The following UVRAG variants were observed in gnomAD, a reference collection of about 807,000 sequenced individuals.
UVRAG encodes UV radiation resistance-associated gene protein.
UVRAG carries 19 observed loss-of-function variants against 78.0 expected under a neutral mutation model. That is an observed-to-expected ratio of 0.24 (90% CI 0.17 to 0.36). The LOEUF (loss-of-function observed/expected upper bound fraction) is 0.36, where lower values mean the gene tolerates loss of function less well. Among genes scored for constraint, UVRAG ranks in the 10% least tolerant of loss-of-function variants. The probability of loss-of-function intolerance (pLI) is 1.00; values close to 1 mark genes in which losing one functional copy is unlikely to be tolerated. For synonymous variants in UVRAG, 323 were observed against 324.6 expected (o/e 1.00, Z 0.05); for missense variants, 740 against 853.8 (o/e 0.87, Z 1.66).
At chr11:76,039,162 A>T (rs1407319594) in intron 12 of UVRAG, among the ~76,000 whole-genome samples, 1 of 152,204 alleles carries the variant, frequency 6.6e-6, no homozygotes, top group African/African-American at 2.4e-5. Flanking sequence ...GTCATTGTTA[A>T]ATGGAGAGAT....
Position 75,867,101 on chromosome 11 carries a change from C to T in UVRAG, c.270+5321C>T, listed in dbSNP as rs543837107. ...TCTCCAGTGACAGATATTTGCTTCT[C>T]TAATACCAAATTCATGCCTCATTGC... On this transcript the variant is annotated intron_variant, in intron 3 of 14. Coordinates refer to ENST00000356136, the MANE Select transcript of UVRAG (RefSeq NM_003369.4). Among the ~76,000 whole-genome samples the T allele has an allele frequency of 4.6e-5, 7 of 152,306 alleles. No individual in the cohort carries two copies. The South Asian group carries it at 1.4e-3, about 32-fold the overall frequency.
intron 14 of UVRAG, among the ~76,000 whole-genome samples, chr11:76,138,366 T>G (rs7946059): frequency 0.054 from 8,233 of 152,250 alleles, 364 homozygotes; most frequent in African/African-American, 0.13. Flanking sequence ...TGTGGGCAGC[T>G]CATCTTCCAC....
intron 13 of UVRAG, among the ~76,000 whole-genome samples, chr11:76,070,888 A>G (rs1033412307): frequency 1.6e-4 from 24 of 152,210 alleles, no homozygotes; most frequent in African/African-American, 5.8e-4. Flanking sequence ...GGGGTGATGA[A>G]AAAGTTTTGG....
At chr11:75,963,847 G>A (rs1354153337) in intron 7 of UVRAG, among the ~76,000 whole-genome samples, 1 of 151,946 alleles carries the variant, frequency 6.6e-6, no homozygotes, top group East Asian at 1.9e-4. Context: ...TTTGTTTTGA[G>A]GTGAGATCTC....
intron 13 of UVRAG, among the ~76,000 whole-genome samples, chr11:76,078,912 G>C (rs562792918): frequency 1.3e-5 from 2 of 152,104 alleles, no homozygotes; most frequent in South Asian, 4.2e-4. Context: ...CTGGGCTACA[G>C]AGCAAGACTC....
At chr11:75,956,488 C>T (rs1196817223) in intron 6 of UVRAG, among the ~76,000 whole-genome samples, 6 of 151,134 alleles carry the variant, frequency 4.0e-5, no homozygotes, top group Admixed American at 1.3e-4. Context: ...CGGGTTCAAG[C>T]GATTCCCTTG....
In UVRAG at chr11:75,928,428, G is replaced by A. The variant is rs182412207; in HGVS notation, c.593+16389G>A. On this transcript the variant is annotated intron_variant, in intron 6 of 14. Transcript: ENST00000356136. ...TCTAGGACAAAGAGGTGTCCCAGAG[G>A]TCAAAGTAAATTAAATATTTCTAAG... is the stretch of plus-strand genomic sequence containing the variant. Among the ~76,000 whole-genome samples the A allele has an allele frequency of 4.2e-4, 64 of 152,250 alleles. 1 individual carries two copies. The East Asian group carries it at 0.011, about 27-fold the overall frequency.
intron 6 of UVRAG, among the ~76,000 whole-genome samples, chr11:75,918,365 G>A (rs887701094): frequency 1.3e-4 from 19 of 149,442 alleles, no homozygotes; most frequent in African/African-American, 4.7e-4. Flanking sequence ...GCAACAGAGC[G>A]AGACTCCGTC....
intron 13 of UVRAG, among the ~76,000 whole-genome samples, chr11:76,111,547 G>A (rs1465888488): frequency 1.3e-5 from 2 of 152,118 alleles, no homozygotes; most frequent in African/African-American, 2.4e-5. Flanking sequence ...CAAGAAGGAA[G>A]GTGCCTTACC....
chr11:76,138,764 G>A (rs1300914116), intron 14 of UVRAG, among the ~76,000 whole-genome samples: 2 of 152,212 alleles, frequency 1.3e-5, no homozygotes, highest in African/African-American at 2.4e-5. Flanking sequence ...TCCACCCCTC[G>A]TGGGCTGGGC....
intron 12 of UVRAG, among the ~76,000 whole-genome samples, chr11:76,040,770 T>C (rs1950634302): frequency 6.6e-6 from 1 of 151,998 alleles, no homozygotes; most frequent in African/African-American, 2.4e-5. Context: ...TTGGCCAGGA[T>C]GGTCTCGATC....
chr11:75,841,512 TATC>T (rs1256665294), intron 1 of UVRAG, among the ~76,000 whole-genome samples: 1 of 150,882 alleles, frequency 6.6e-6, no homozygotes, highest in Non-Finnish European at 1.5e-5. Context: ...GTTTGTTTTA[TATC>T]ATCATTTTCA....
intron 5 of UVRAG, among the ~76,000 whole-genome samples, chr11:75,891,826 A>T (rs966349227): frequency 6.6e-6 from 1 of 151,958 alleles, no homozygotes; most frequent in Non-Finnish European, 1.5e-5. Flanking sequence ...AGGCGGGAGG[A>T]TTGCTTGAGA....
intron 5 of UVRAG, among the ~76,000 whole-genome samples, chr11:75,894,056 A>T (rs1947284142): frequency 6.6e-6 from 1 of 152,242 alleles, no homozygotes; most frequent in South Asian, 2.1e-4. Context: ...GTGTATAAGA[A>T]AACAGCAAGG....
chr11:75,960,583 A>G (rs2135199885), intron 6 of UVRAG, among the ~76,000 whole-genome samples: 1 of 152,304 alleles, frequency 6.6e-6, no homozygotes, highest in Non-Finnish European at 1.5e-5. Flanking sequence ...TCTGGGCAAC[A>G]TGGTGAAACC....
intron 1 of UVRAG, among the ~76,000 whole-genome samples, chr11:75,842,400 A>C (rs1442837319): frequency 6.7e-6 from 1 of 150,320 alleles, no homozygotes; most frequent in Non-Finnish European, 1.5e-5. Flanking sequence ...TTCATTGACT[A>C]GTTCCATTAC....
chr11:75,847,585 T>TA (rs1946062727), intron 1 of UVRAG, among the ~76,000 whole-genome samples: 1 of 152,124 alleles, frequency 6.6e-6, no homozygotes, highest in Admixed American at 6.5e-5. Context: ...GAATGAACGT[T>TA]ATTAAAAAAG....
In UVRAG at chr11:75,881,710, C is replaced by G. The variant is rs373110733; in HGVS notation, c.432+1670C>G. 1.4e-4 allele frequency among the ~76,000 whole-genome samples: 21 copies of G among 152,318 alleles called. No individual in the cohort carries two copies. The South Asian group carries it at 3.9e-3, about 29-fold the overall frequency. On this transcript the variant is annotated intron_variant, in intron 4 of 14. Coordinates refer to ENST00000356136, the MANE Select transcript of UVRAG (RefSeq NM_003369.4). ...GGGATTACAGGCATGAGCCATGGCA[C>G]CAGGCCTTCAGAATCCTTTCTAACA... is the stretch of plus-strand genomic sequence containing the variant.
intron 13 of UVRAG, among the ~76,000 whole-genome samples, chr11:76,070,820 A>G (rs765115572): frequency 1.3e-5 from 2 of 152,190 alleles, no homozygotes; most frequent in Non-Finnish European, 2.9e-5. Context: ...TCAGAAAGCC[A>G]CATTAGAGGG....
Sources: allele counts gnomAD v4.1 joint callset (sites outside exome capture counted in the v4.1 genomes callset), GRCh38; gene constraint gnomAD v4.1.1; transcripts MANE v1.5; gene names NCBI Gene and HGNC (gene_info 2026-07-23, HGNC 2026-07-21).